The following TTC29 variants were observed in gnomAD, a reference collection of about 807,000 sequenced individuals.
TTC29 encodes the protein tetratricopeptide repeat protein 29.
In TTC29, 49 loss-of-function variants were observed where a neutral mutation model predicts 58.1. The observed-to-expected ratio is 0.84, with a 90% CI of 0.67 to 1.07. The LOEUF is 1.07. Among genes scored for constraint, TTC29 ranks in the 50% least tolerant of loss-of-function variants. TTC29 has a pLI of 0.00. For missense variants in TTC29, 582 were observed against 555.6 expected, an observed-to-expected ratio of 1.05 and a Z score of -0.48; for synonymous variants, 209 against 196.8, an observed-to-expected ratio of 1.06 and a Z score of -0.52.
intron 10 of TTC29, among the ~76,000 whole-genome samples, chr4:146,812,197 T>C (rs1033288523): frequency 4.6e-5 from 7 of 152,094 alleles, no homozygotes; most frequent in Non-Finnish European, 7.4e-5. Context: ...GGACAAAATA[T>C]ATGAAAATAT....
intron 9 of TTC29, among the ~76,000 whole-genome samples, chr4:146,829,039 T>A (rs1727992133): frequency 6.6e-6 from 1 of 152,226 alleles, no homozygotes; most frequent in African/African-American, 2.4e-5. Flanking sequence ...GTTAGATAAA[T>A]ATTAATTCCA....
chr4:146,839,473 T>C (rs1453387203), intron 8 of TTC29, among the ~76,000 whole-genome samples: 5 of 151,928 alleles, frequency 3.3e-5, no homozygotes, highest in East Asian at 1.9e-4. Context: ...AGCTATTATA[T>C]AGCAATAAAA....
intron 11 of TTC29, among the ~76,000 whole-genome samples, chr4:146,786,001 A>ACACACACACT (rs1748984627): frequency 6.6e-6 from 1 of 152,088 alleles, no homozygotes; most frequent in Non-Finnish European, 1.5e-5. Flanking sequence ...ACACACACAC[A>ACACACACACT]CACACACACT....
chr4:146,846,170 A>T lies in TTC29; in HGVS notation c.886-12273T>A, dbSNP rs1227897669. 2.0e-5 allele frequency among the ~76,000 whole-genome samples: 3 copies of T among 152,190 alleles called. No individual in the cohort carries two copies. The East Asian group carries it at 5.8e-4, about 29-fold the overall frequency. ...ATGGTAAATGAAAAGTGTATGAAAA[A>T]TTTCAGTTAACAGCCAGTCCTGGAG... On this transcript the variant is annotated intron_variant, in intron 8 of 12. Transcript: ENST00000325106.
At chr4:146,923,314 A>ACAAAAAT (rs1335361444) in intron 4 of TTC29, among the ~76,000 whole-genome samples, 18 of 151,786 alleles carry the variant, frequency 1.2e-4, no homozygotes, top group South Asian at 2.1e-4. Flanking sequence ...TTATTTAGAT[A>ACAAAAAT]CAAAAATCAC....
chr4:146,747,722 C>T (rs1745653739), intron 11 of TTC29, among the ~76,000 whole-genome samples: 1 of 152,186 alleles, frequency 6.6e-6, no homozygotes, highest in Admixed American at 6.5e-5. Context: ...TGATGTGGTG[C>T]CCTACCCCTA....
At chr4:146,887,481 G>C (rs1288816185) in intron 6 of TTC29, among the ~76,000 whole-genome samples, 1 of 152,054 alleles carries the variant, frequency 6.6e-6, no homozygotes, top group East Asian at 1.9e-4. Flanking sequence ...GAGGGGAAAA[G>C]GGCCTGATAT....
chr4:146,820,548 A>C (rs569023789), intron 9 of TTC29, among the ~76,000 whole-genome samples: 1 of 152,336 alleles, frequency 6.6e-6, no homozygotes, highest in African/African-American at 2.4e-5. Flanking sequence ...TATGACCCAG[A>C]AATTTTACTC....
At chr4:146,730,993 A>T (rs1308189003) in intron 11 of TTC29, among the ~76,000 whole-genome samples, 1 of 152,186 alleles carries the variant, frequency 6.6e-6, no homozygotes, top group Non-Finnish European at 1.5e-5. Flanking sequence ...GCATTTTTCT[A>T]TGCTGATGAG....
intron 9 of TTC29, among the ~76,000 whole-genome samples, chr4:146,830,751 A>C (rs1387018513): frequency 6.6e-6 from 1 of 152,002 alleles, no homozygotes; most frequent in Non-Finnish European, 1.5e-5. Flanking sequence ...GGGCTGGTAC[A>C]TGTGTGTGTT....
chr4:146,854,568 A>T (rs1324737648), intron 8 of TTC29, among the ~76,000 whole-genome samples: 3 of 151,664 alleles, frequency 2.0e-5, no homozygotes, highest in Non-Finnish European at 4.4e-5. Context: ...CTCCGTCCTC[A>T]CTCTTACTCC....
At chr4:146,776,358 G>C (rs1328382301) in intron 11 of TTC29, among the ~76,000 whole-genome samples, 4 of 151,954 alleles carry the variant, frequency 2.6e-5, no homozygotes, top group Non-Finnish European at 5.9e-5. Context: ...GGCTTTTTGA[G>C]TTGCCAGAGT....
At chr4:146,796,473 T>C (rs928124096) in intron 11 of TTC29, among the ~76,000 whole-genome samples, 1 of 152,174 alleles carries the variant, frequency 6.6e-6, no homozygotes, top group African/African-American at 2.4e-5. Context: ...ATAAAATACT[T>C]AGTATATTTA....
At chr4:146,744,466 A>T (rs1031265380) in intron 11 of TTC29, among the ~76,000 whole-genome samples, 2 of 152,226 alleles carry the variant, frequency 1.3e-5, no homozygotes, top group Admixed American at 6.5e-5. Context: ...AGTAGCAGAG[A>T]TAGAAGCTAC....
chr4:146,815,084 T>C (rs1431176996), intron 10 of TTC29, among the ~76,000 whole-genome samples: 3 of 152,268 alleles, frequency 2.0e-5, no homozygotes, highest in Non-Finnish European at 4.4e-5. Flanking sequence ...AATGGAAGCA[T>C]TTTAAGCAGA....
chr4:146,932,503 A>G (rs1372048607), intron 4 of TTC29, among the ~76,000 whole-genome samples: 1 of 152,212 alleles, frequency 6.6e-6, no homozygotes, highest in Non-Finnish European at 1.5e-5. Flanking sequence ...CCAATAAAGA[A>G]TTATGAAATA....
intron 11 of TTC29, among the ~76,000 whole-genome samples, chr4:146,762,006 TG>T: frequency 6.6e-6 from 1 of 152,112 alleles, no homozygotes; most frequent in South Asian, 2.1e-4. Context: ...AATGACCTTG[TG>T]TTTTTTTTCT....
At position 146,707,540 on chromosome 4, in the gene TTC29, C is replaced by T. The variant is rs77846687; in HGVS notation, c.1342G>A (p.Gly448Arg). 4.1e-3 allele frequency: 6,609 copies of T among 1,603,654 alleles called. 250 individuals are homozygous for T. The African/African-American group carries it at 0.076, about 19-fold the overall frequency. The change falls in exon 12 of 13, where the codon GGA becomes AGA. Residue 448 changes from glycine (G) to arginine (R), a missense_variant. Physicochemically the swap from Gly to Arg is moderately radical, Grantham distance 125 (BLOSUM62 -2). Coordinates refer to ENST00000325106, the MANE Select transcript of TTC29 (RefSeq NM_031956.4). ...TGAGATACAGCTTCCACTGTGGATC[C>T]TCTAAACTCTTCTAAAAAAAAAATA... ...EPDPVTEEFR[G>R]STVEAVSQNS...
At chr4:146,724,088 T>G (rs1239614692) in intron 11 of TTC29, among the ~76,000 whole-genome samples, 1 of 152,226 alleles carries the variant, frequency 6.6e-6, no homozygotes, top group African/African-American at 2.4e-5. Context: ...TGGATGCAGC[T>G]GGAGGCCATT....
Sources: allele counts gnomAD v4.1 joint callset (sites outside exome capture counted in the v4.1 genomes callset), GRCh38; gene constraint gnomAD v4.1.1; transcripts MANE v1.5; gene names NCBI Gene and HGNC (gene_info 2026-07-23, HGNC 2026-07-21).